The following CDH26 variants were observed in gnomAD, a reference collection of about 807,000 sequenced individuals.
CDH26 encodes the protein cadherin 26.
In CDH26, 83 loss-of-function variants were observed where a neutral mutation model predicts 90.3. The ratio of observed to expected loss-of-function variants is 0.92; its 90% CI spans 0.77 to 1.10. The LOEUF is 1.10. Among genes scored for constraint, CDH26 ranks in the 50% least tolerant of loss-of-function variants. The pLI, the probability that CDH26 is intolerant of heterozygous loss-of-function variation, is 0.00. For synonymous variants in CDH26, 397 were observed against 396.3 expected, an observed-to-expected ratio of 1.00 and a Z score of -0.02; for missense variants, 1,013 against 1,037.6, an observed-to-expected ratio of 0.98 and a Z score of 0.33.
intron 4 of CDH26, among the ~76,000 whole-genome samples, chr20:59,972,999 C>T (rs1048470955): frequency 6.6e-6 from 1 of 152,172 alleles, no homozygotes; most frequent in Non-Finnish European, 1.5e-5. Context: ...CTCTCTAGGT[C>T]TTCCTTATCT....
intron 2 of CDH26, 29 bp downstream of exon 2, chr20:59,969,052 T>C (rs1271491250): frequency 1.4e-6 from 2 of 1,454,448 alleles, no homozygotes; most frequent in Non-Finnish European, 1.9e-6. Flanking sequence ...TTTCTTAATA[T>C]ATAAAATCAG....
intron 16 of CDH26, among the ~76,000 whole-genome samples, chr20:60,004,182 T>C (rs1302150852): frequency 6.6e-6 from 1 of 152,198 alleles, no homozygotes. Flanking sequence ...TTTGGCTTAG[T>C]ATGTTTGGTT....
At chr20:60,027,539 A>C (rs1261154346) in intron 7 of CDH26, among the ~76,000 whole-genome samples, 1 of 152,042 alleles carries the variant, frequency 6.6e-6, no homozygotes, top group African/African-American at 2.4e-5. Context: ...TTACCCCTAA[A>C]TACTTTGCCT....
chr20:60,026,809 G>T (rs2062001610), intron 7 of CDH26, among the ~76,000 whole-genome samples: 1 of 152,194 alleles, frequency 6.6e-6, no homozygotes, highest in South Asian at 2.1e-4. Context: ...AATTTATGCT[G>T]CTTTTAAGCA....
chr20:60,003,501 C>T (rs1291570256), intron 16 of CDH26, among the ~76,000 whole-genome samples: 5 of 152,094 alleles, frequency 3.3e-5, no homozygotes, highest in Non-Finnish European at 5.9e-5. Context: ...TATATACCAA[C>T]AAGCAGTTTC....
downstream of CDH26, among the ~76,000 whole-genome samples, chr20:60,015,772 C>T (rs195019): frequency 0.022 from 3,355 of 152,220 alleles, 104 homozygotes; most frequent in African/African-American, 0.076. Flanking sequence ...ACATTTAGGT[C>T]TTTGATCCAC....
chr20:59,994,093 A>G, intron 10 of CDH26, 157 bp from the exon 11 acceptor site: 1 of 916,892 alleles, frequency 1.1e-6, no homozygotes, highest in South Asian at 1.8e-5. Flanking sequence ...AAAGCAGGAA[A>G]ACAGATCACG....
intron 7 of CDH26, among the ~76,000 whole-genome samples, chr20:60,021,409 A>G (rs2061950676): frequency 6.6e-6 from 1 of 152,192 alleles, no homozygotes; most frequent in African/African-American, 2.4e-5. Flanking sequence ...CCCACAGCCC[A>G]CAAAGCCTTC....
intron 16 of CDH26, among the ~76,000 whole-genome samples, chr20:60,005,548 G>A (rs2061737383): frequency 6.6e-6 from 1 of 151,952 alleles, no homozygotes; most frequent in Non-Finnish European, 1.5e-5. Flanking sequence ...ATACATAATT[G>A]CCCCAGGCTT....
Position 59,971,820 on chromosome 20 carries a change from A to G in CDH26, c.232-142A>G, listed in dbSNP as rs1043216626. 14 of 623,556 alleles carry G rather than the reference A, an allele frequency of 2.2e-5. No homozygotes were observed. The African/African-American group carries it at 2.4e-4, about 11-fold the overall frequency. The allele number at this position is 623,556 out of a possible 1,614,324, so 38.6% of individuals were successfully genotyped here. A position where few individuals can be genotyped will look rare whatever the true frequency, so the allele number is the denominator to read the frequency against. On this transcript the variant is annotated intron_variant, in intron 3 of 17. Coordinates refer to ENST00000348616, the MANE Select transcript of CDH26 (RefSeq NM_177980.4). ...CATCATTGTTCCTGCATCTCAGCCC[A>G]TCTGTTTATTTCTTTGGCAGATGTG...
chr20:59,996,490 T>C (rs1399636906), intron 12 of CDH26, 141 bp from the exon 13 acceptor site: 1 of 1,612,216 alleles, frequency 6.2e-7, no homozygotes, highest in Non-Finnish European at 8.5e-7. Context: ...GTGCTGAACT[T>C]TATAGCTACA....
Position 60,033,538 on chromosome 20 carries a change from G to C in CDH26, c.1197G>C (p.Met399Ile). 4 of 1,304,420 alleles carry C rather than the reference G, an allele frequency of 3.1e-6. No homozygotes were observed. In the South Asian group the frequency reaches 4.9e-5, roughly 16 times the overall value. The allele number at this position is 1,304,420 out of a possible 1,614,324, so 80.8% of individuals were successfully genotyped here. A position where few individuals can be genotyped will look rare whatever the true frequency, so the allele number is the denominator to read the frequency against. Residue 399 changes from methionine (M) to isoleucine (I), a missense_variant, in exon 9 of 9, where the codon ATG (methionine) becomes ATC (isoleucine). By Grantham distance (10) the Met-to-Ile change is conservative (BLOSUM62 1). Coordinates refer to the CDH26 transcript ENST00000370991. ...AAAGGAGCCACTTGTTTAAGGTTATGCAGCTGAGAAATGAACAAGGTGGGG... is the reference window on the plus strand; with the variant it reads ...AAAGGAGCCACTTGTTTAAGGTTATCCAGCTGAGAAATGAACAAGGTGGGG...
chr20:59,998,528 G>C (rs1465988508), intron 13 of CDH26, among the ~76,000 whole-genome samples: 1 of 152,164 alleles, frequency 6.6e-6, no homozygotes, highest in African/African-American at 2.4e-5. Flanking sequence ...AGCTATGCCA[G>C]TGGGACAAGA....
At chr20:59,986,577 G>A (rs558242292) in intron 7 of CDH26, among the ~76,000 whole-genome samples, 1 of 151,372 alleles carries the variant, frequency 6.6e-6, no homozygotes, top group Admixed American at 6.6e-5. Context: ...GCTTAGTAGT[G>A]TTCTACTTAA....
chr20:59,992,301 GTTTT>G lies in CDH26; in HGVS notation c.1284-73_1284-70del. 7.2e-7 allele frequency: 1 copy of G among 1,387,040 alleles called. No individual in the cohort carries two copies. Among genetic ancestry groups the G allele is most frequent in the Non-Finnish European group, 9.9e-7 (1 of 1,013,158 alleles). 85.9% of individuals were successfully genotyped at this position (1,387,040 alleles called of 1,614,324 possible). A position where few individuals can be genotyped will look rare whatever the true frequency, so the allele number is the denominator to read the frequency against. ...AAATAGTGTTTCTATGACATATTTT[GTTTT>G]TTTATGCAACTTTTTTATCTTTTAA... On this transcript the variant is annotated intron_variant, in intron 9 of 17. Coordinates refer to ENST00000348616, the MANE Select transcript of CDH26 (RefSeq NM_177980.4). The surrounding 1 kb of genome is among the most constrained non-coding windows in gnomAD (Gnocchi z 5.0).
At chr20:60,022,518 T>G (rs2061965847) in intron 7 of CDH26, among the ~76,000 whole-genome samples, 1 of 152,238 alleles carries the variant, frequency 6.6e-6, no homozygotes, top group African/African-American at 2.4e-5. Flanking sequence ...TGTTAAAACT[T>G]TCCTTTTCCC....
Position 60,006,663 on chromosome 20 carries a change from G to A in CDH26, c.2221-50G>A. 2.9e-6 allele frequency: 4 copies of A among 1,368,516 alleles called. No individual in the cohort carries two copies. The South Asian group carries it at 3.5e-5, about 12-fold the overall frequency. 84.8% of individuals were successfully genotyped at this position (1,368,516 alleles called of 1,614,324 possible). A position where few individuals can be genotyped will look rare whatever the true frequency, so the allele number is the denominator to read the frequency against. ...GCCACTGACACACAGGGGTTGGGGG[G>A]TAGGACAAGGGCTCTGCTGTGGTAT... is the stretch of plus-strand genomic sequence containing the variant. On this transcript the variant is annotated intron_variant, in intron 16 of 17. Coordinates refer to ENST00000348616, the MANE Select transcript of CDH26 (RefSeq NM_177980.4).
Position 59,995,816 on chromosome 20 carries a change from T to C in CDH26, c.1667-17T>C. 6.2e-7 allele frequency: 1 copy of C among 1,611,032 alleles called. No homozygotes were observed. The highest frequency in any genetic ancestry group is 2.2e-5 in the East Asian group (1 of 44,876). Reference sequence around the variant, plus strand: ...ATGAGTGAGTCAATGCATGCCATGTTCTTTTTCCCTTTGCAGGTCAATCAG... The same window carrying C: ...ATGAGTGAGTCAATGCATGCCATGTCCTTTTTCCCTTTGCAGGTCAATCAG... On this transcript the variant is annotated splice_polypyrimidine_tract_variant and intron_variant, in intron 11 of 17. Transcript: ENST00000348616.
At chr20:59,961,070 A>C (rs147703893) in intron 1 of CDH26, among the ~76,000 whole-genome samples, 2 of 152,248 alleles carry the variant, frequency 1.3e-5, no homozygotes, top group East Asian at 3.9e-4. Flanking sequence ...GAGTTTCCTT[A>C]GTCAGACAGC....
Sources: gnomAD v4.1 joint callset for allele counts (sites outside exome capture counted in the v4.1 genomes callset) on GRCh38, gnomAD v4.1.1 for gene constraint, Gnocchi (gnomAD v3.1) non-coding constraint, MANE v1.5 for transcripts, NCBI Gene and HGNC (gene_info 2026-07-23, HGNC 2026-07-21) for gene names.